TSHZ1: variants seen among roughly 807,000 people sequenced by gnomAD.
TSHZ1 encodes the protein teashirt zinc finger homeobox 1, also known as teashirt homolog 1.
In TSHZ1, 12 loss-of-function variants were observed where a neutral mutation model predicts 67.1. The observed-to-expected ratio is 0.18, with a 90% CI of 0.11 to 0.29. TSHZ1 has a LOEUF of 0.29. Ranked by LOEUF, TSHZ1 falls within the 10% of genes least tolerant of loss-of-function variation. TSHZ1 has a pLI of 1.00. For missense variants in TSHZ1, 1,305 were observed against 1,413.9 expected (o/e 0.92, Z 1.23); for synonymous variants, 632 against 622.4 (o/e 1.02, Z -0.23).
intron 1 of TSHZ1, among the ~76,000 whole-genome samples, chr18:75,282,292 G>A (rs761502187): frequency 2.6e-5 from 4 of 152,172 alleles, no homozygotes; most frequent in African/African-American, 4.8e-5. Flanking sequence ...GTGAGATGCC[G>A]GGCCAGGCCC....
intron 1 of TSHZ1, among the ~76,000 whole-genome samples, chr18:75,249,365 T>C (rs1330776446): frequency 2.0e-5 from 3 of 151,330 alleles, no homozygotes; most frequent in Admixed American, 6.6e-5. Context: ...TGGGGGCAGC[T>C]GGCCTTCTCC....
intron 1 of TSHZ1, among the ~76,000 whole-genome samples, chr18:75,230,339 C>T (rs1460142705): frequency 6.6e-6 from 1 of 152,100 alleles, no homozygotes; most frequent in Non-Finnish European, 1.5e-5. Flanking sequence ...CCTGCTGGAG[C>T]AGCGTGTTCC....
At position 75,288,596 on chromosome 18, in the gene TSHZ1, T is replaced by A. The variant is rs1344516755; in HGVS notation, c.3189T>A (p.Ser1063=). ...ACCTTAGTAAGACCCACGGCAAGTC[T>A]CCCGAGGACCACCTGATCTATGTGA... ...KLHLSKTHGK[S]PEDHLIYVTE... The change falls in exon 2 of 2, where the codon TCT becomes TCA. Residue 1063 remains serine (S), a synonymous_variant. Transcript: ENST00000580243. This position sits in a 1 kb window ranked among gnomAD's most constrained non-coding sequence, Gnocchi z 4.9. The A allele has an allele frequency of 1.9e-6, 3 of 1,611,520 alleles. No homozygotes were observed. Among genetic ancestry groups the A allele is most frequent in the Non-Finnish European group, 2.5e-6 (3 of 1,178,904 alleles).
intron 1 of TSHZ1, among the ~76,000 whole-genome samples, chr18:75,214,270 T>C (rs1303755370): frequency 6.6e-6 from 1 of 152,216 alleles, no homozygotes; most frequent in African/African-American, 2.4e-5. Context: ...ATATTTACAT[T>C]GGCATAAGTC....
intron 1 of TSHZ1, among the ~76,000 whole-genome samples, chr18:75,227,471 C>G (rs1195996705): frequency 4.6e-5 from 7 of 151,960 alleles, no homozygotes; most frequent in Admixed American, 4.6e-4. Flanking sequence ...TATATAAGTT[C>G]CCAAACCACT....
intron 1 of TSHZ1, among the ~76,000 whole-genome samples, chr18:75,233,396 T>A (rs753347394): frequency 2.0e-5 from 3 of 152,176 alleles, no homozygotes; most frequent in Non-Finnish European, 1.5e-5. Flanking sequence ...TTTCTGCTGA[T>A]TTTCATGGTG....
At chr18:75,276,058 C>T (rs2122602728) in intron 1 of TSHZ1, among the ~76,000 whole-genome samples, 1 of 152,270 alleles carries the variant, frequency 6.6e-6, no homozygotes, top group Non-Finnish European at 1.5e-5. Flanking sequence ...TGTTGACAAA[C>T]TCTAGACAAA....
chr18:75,250,762 C>A (rs1799022488), intron 1 of TSHZ1, among the ~76,000 whole-genome samples: 1 of 152,240 alleles, frequency 6.6e-6, no homozygotes, highest in South Asian at 2.1e-4. Flanking sequence ...CCACAGGTCA[C>A]CCAGAGCGGG....
intron 1 of TSHZ1, among the ~76,000 whole-genome samples, chr18:75,278,864 G>A (rs999346449): frequency 1.2e-4 from 18 of 152,150 alleles, no homozygotes; most frequent in Non-Finnish European, 1.5e-4. Flanking sequence ...GGAATGATGC[G>A]AGGAAGAGGG....
intron 1 of TSHZ1, among the ~76,000 whole-genome samples, chr18:75,252,878 C>A (rs1045740568): frequency 6.8e-6 from 1 of 146,424 alleles, no homozygotes; most frequent in African/African-American, 2.8e-5. Context: ...TTCTACCCAC[C>A]CCCTGTGCCC....
At chr18:75,241,255 G>T (rs1407180658) in intron 1 of TSHZ1, among the ~76,000 whole-genome samples, 8 of 152,202 alleles carry the variant, frequency 5.3e-5, no homozygotes, top group African/African-American at 1.9e-4. Context: ...TGGGCTGGGG[G>T]TCTGCTCCTG....
rs757148723 is a variant in TSHZ1 at position 75,287,037 on chromosome 18, A to T, written c.1630A>T (p.Ser544Cys). The change falls in exon 2 of 2, where the codon AGC becomes TGC. Residue 544 changes from serine to cysteine, a missense_variant. By Grantham distance (112) the Ser-to-Cys change is moderately radical. Transcript: ENST00000580243. This position sits in a 1 kb window ranked among gnomAD's most constrained non-coding sequence, Gnocchi z 5.0. The part of the protein sequence containing the change: ...PYLREEDLDD[S>C]PKGGLDILKS... ...CCTGCGTGAGGAGGACCTGGACGAC[A>T]GCCCCAAGGGAGGGCTGGACATTCT... is the stretch of plus-strand genomic sequence containing the variant. 2 of 1,613,902 alleles carry T rather than the reference A, an allele frequency of 1.2e-6. No individual in the cohort carries two copies. The highest frequency in any genetic ancestry group is 2.7e-5 in the African/African-American group (2 of 74,938).
intron 1 of TSHZ1, among the ~76,000 whole-genome samples, chr18:75,275,810 G>C (rs564129392): frequency 6.6e-6 from 1 of 152,338 alleles, no homozygotes; most frequent in South Asian, 2.1e-4. Flanking sequence ...TCTGGAGTAA[G>C]AGAACATTTC....
intron 1 of TSHZ1, among the ~76,000 whole-genome samples, chr18:75,249,158 C>T (rs904156936): frequency 2.6e-5 from 4 of 152,158 alleles, no homozygotes; most frequent in Non-Finnish European, 4.4e-5. Flanking sequence ...CTTGTCCCTG[C>T]GGCCACCCAG....
chr18:75,238,729 G>A (rs1048252670), intron 1 of TSHZ1, among the ~76,000 whole-genome samples: 1 of 152,166 alleles, frequency 6.6e-6, no homozygotes, highest in Non-Finnish European at 1.5e-5. Flanking sequence ...GCAAAATTAA[G>A]TATGAGGGTG....
At chr18:75,246,593 C>T (rs2023227865) in intron 1 of TSHZ1, among the ~76,000 whole-genome samples, 2 of 152,070 alleles carry the variant, frequency 1.3e-5, no homozygotes, top group African/African-American at 4.8e-5. Flanking sequence ...ATTTTATGAG[C>T]TGTATTATCC....
At chr18:75,236,946 T>C (rs2023080101) in intron 1 of TSHZ1, among the ~76,000 whole-genome samples, 1 of 152,140 alleles carries the variant, frequency 6.6e-6, no homozygotes, top group African/African-American at 2.4e-5. Context: ...CATCCGTAAG[T>C]TGTTAAAGCT....
At chr18:75,263,222 G>A (rs1189078285) in intron 1 of TSHZ1, among the ~76,000 whole-genome samples, 5 of 152,128 alleles carry the variant, frequency 3.3e-5, no homozygotes, top group Admixed American at 2.0e-4. Context: ...AATCTAGCAA[G>A]CTAAGATTAT....
intron 1 of TSHZ1, among the ~76,000 whole-genome samples, chr18:75,273,590 A>T (rs72969736): frequency 0.024 from 3,727 of 152,340 alleles, 84 homozygotes; most frequent in Non-Finnish European, 0.038. Flanking sequence ...ACAATTTGAG[A>T]TGAAAATGTT....
Sources: gnomAD v4.1 joint callset for allele counts (sites outside exome capture counted in the v4.1 genomes callset) on GRCh38, gnomAD v4.1.1 for gene constraint, Gnocchi (gnomAD v3.1) non-coding constraint, MANE v1.5 for transcripts, NCBI Gene and HGNC (gene_info 2026-07-23, HGNC 2026-07-21) for gene names.